CREBBP: variants seen among roughly 807,000 people sequenced by gnomAD.
The protein encoded by CREBBP is CREB-binding protein.
A neutral mutation model predicts 265.0 loss-of-function variants in CREBBP; 19 were observed. The ratio of observed to expected loss-of-function variants is 0.07; its 90% CI spans 0.05 to 0.11. The LOEUF (loss-of-function observed/expected upper bound fraction) is 0.11. Among genes scored for constraint, CREBBP ranks in the 10% least tolerant of loss-of-function variants. CREBBP has a pLI of 1.00. For synonymous variants in CREBBP, 1,457 were observed against 1,223.7 expected, an observed-to-expected ratio of 1.19 and a Z score of -3.98; for missense variants, 2,525 against 3,219.0, an observed-to-expected ratio of 0.78 and a Z score of 5.22.
chr16:3,763,844 CTTTTTTT>C (rs763039340), intron 16 of CREBBP, among the ~76,000 whole-genome samples: 3 of 134,348 alleles, frequency 2.2e-5, no homozygotes, highest in African/African-American at 8.2e-5. Flanking sequence ...AAAAAGCAAT[CTTTTTTT>C]TTTTTTTTTT....
At chr16:3,844,996 A>C (rs1383267984) in intron 2 of CREBBP, among the ~76,000 whole-genome samples, 1 of 152,214 alleles carries the variant, frequency 6.6e-6, no homozygotes, top group Non-Finnish European at 1.5e-5. Context: ...AAAACTGTTA[A>C]AATGTCACAT....
chr16:3,834,417 T>C (rs2054402079), intron 2 of CREBBP, among the ~76,000 whole-genome samples: 1 of 152,278 alleles, frequency 6.6e-6, no homozygotes, highest in South Asian at 2.1e-4. Context: ...CTTAAATACA[T>C]ATTATTAAAT....
At chr16:3,748,528 C>T (rs2052400435) in intron 21 of CREBBP, among the ~76,000 whole-genome samples, 1 of 152,152 alleles carries the variant, frequency 6.6e-6, no homozygotes, top group African/African-American at 2.4e-5. Flanking sequence ...GCTAGGTTTC[C>T]AGAGGTGGCC....
chr16:3,789,592 T>C (rs577079409), intron 5 of CREBBP, among the ~76,000 whole-genome samples: 30 of 152,306 alleles, frequency 2.0e-4, no homozygotes, highest in East Asian at 7.7e-4. Flanking sequence ...CATTTTCCTC[T>C]CTGGGTTCCT....
At chr16:3,844,360 A>T (rs1448948337) in intron 2 of CREBBP, among the ~76,000 whole-genome samples, 1 of 152,202 alleles carries the variant, frequency 6.6e-6, no homozygotes, top group African/African-American at 2.4e-5. Context: ...ATTTGATATT[A>T]TAAAACCTAC....
intron 2 of CREBBP, among the ~76,000 whole-genome samples, chr16:3,814,098 A>T (rs139281057): frequency 8.6e-5 from 13 of 151,788 alleles, no homozygotes; most frequent in Non-Finnish European, 1.5e-4. Flanking sequence ...GGTGAGTATG[A>T]GTGTGTGATC....
intron 9 of CREBBP, 32 bp downstream of exon 9, chr16:3,778,668 T>C (rs1412619764): frequency 2.7e-6 from 4 of 1,498,658 alleles, no homozygotes; most frequent in Admixed American, 3.3e-5. Context: ...ACAGATGCTG[T>C]AGAGGCCAGA....
At chr16:3,739,839 C>T (rs1199413399) in intron 24 of CREBBP, 115 bp from the exon 25 acceptor site, 9 of 1,438,428 alleles carry the variant, frequency 6.3e-6, no homozygotes, top group Middle Eastern at 1.8e-4. Context: ...GGCATGGCCA[C>T]CTCCTCAGAC....
chr16:3,747,076 G>A (rs1382498099), intron 21 of CREBBP, among the ~76,000 whole-genome samples: 1 of 149,502 alleles, frequency 6.7e-6, no homozygotes, highest in East Asian at 2.0e-4. Context: ...CCTTCCCTCA[G>A]TCCCCCAGCA....
At chr16:3,771,255 G>A (rs375597532) in intron 13 of CREBBP, among the ~76,000 whole-genome samples, 21 of 152,132 alleles carry the variant, frequency 1.4e-4, no homozygotes, top group African/African-American at 4.8e-4. Context: ...TTTTAGTAGA[G>A]ATCGGGTTTT....
chr16:3,835,256 C>G lies in CREBBP; in HGVS notation c.798+15041G>C, dbSNP rs190417635. ...AATAGAACAGACTAGAACAAAGGTA[C>G]AGGGATTTTTTTTTTCTATGAAGGG... On this transcript the variant is annotated intron_variant, in intron 2 of 30. Coordinates refer to ENST00000262367, the MANE Select transcript of CREBBP (RefSeq NM_004380.3). Among the ~76,000 whole-genome samples the G allele has an allele frequency of 5.4e-3, 824 of 151,816 alleles. 5 individuals carry two copies. The highest frequency in any genetic ancestry group is 0.012 in the East Asian group (58 of 5,004).
At position 3,869,985 on chromosome 16, in the gene CREBBP, T is replaced by C. The variant is rs181350938; in HGVS notation, c.85+9847A>G. 2.3e-4 allele frequency among the ~76,000 whole-genome samples: 35 copies of C among 152,282 alleles called. 1 individual carries two copies. The East Asian group carries it at 5.2e-3, about 23-fold the overall frequency. Reference sequence around the variant, plus strand: ...AAACAAAAACCGATTCCCACAGTAGTAGAGGAACAACCACAATGACACAGA... The same window carrying C: ...AAACAAAAACCGATTCCCACAGTAGCAGAGGAACAACCACAATGACACAGA... On this transcript the variant is annotated intron_variant, in intron 1 of 30. Coordinates refer to ENST00000262367, the MANE Select transcript of CREBBP (RefSeq NM_004380.3).
intron 16 of CREBBP, among the ~76,000 whole-genome samples, chr16:3,760,420 TGAGACAGAGTC>T (rs2052690003): frequency 9.3e-6 from 1 of 107,236 alleles, no homozygotes; most frequent in Non-Finnish European, 1.9e-5. Flanking sequence ...TTTTTTTTTT[TGAGACAGAGTC>T]TTGCTCTGTC....
chr16:3,783,327 C>G (rs950470224), intron 5 of CREBBP, among the ~76,000 whole-genome samples: 7 of 152,204 alleles, frequency 4.6e-5, no homozygotes, highest in Non-Finnish European at 7.4e-5. Context: ...AACAGAGGAG[C>G]CCCCTCCTGT....
In CREBBP at chr16:3,782,779, A is replaced by C. The variant is rs920337165; in HGVS notation, c.1478T>G (p.Met493Arg). The change falls in exon 6 of 31, where the codon ATG becomes AGG. Residue 493 changes from methionine (M) to arginine (R), a missense_variant. Around this residue, in one of 19 missense-constraint regions of CREBBP, gnomAD observed 144 missense variants for 134.0 expected, o/e 1.07. Coordinates refer to ENST00000262367, the MANE Select transcript of CREBBP (RefSeq NM_004380.3). ...CTGCAGCTGCGTCTGGGGCTGGTTC[A>C]TGTAGGGGAGTCCGAGAGCAGCATA... Reference protein sequence around the residue: ...RAYAALGLPYMNQPQTQLQPQ... With the variant: ...RAYAALGLPYRNQPQTQLQPQ... 1 of 1,614,118 alleles carries C rather than the reference A, an allele frequency of 6.2e-7. No individual in the cohort carries two copies. The highest frequency in any genetic ancestry group is 8.5e-7 in the Non-Finnish European group (1 of 1,180,032).
At chr16:3,798,640 C>A (rs966654515) in intron 3 of CREBBP, among the ~76,000 whole-genome samples, 9 of 152,168 alleles carry the variant, frequency 5.9e-5, no homozygotes, top group Non-Finnish European at 1.0e-4. Context: ...CACTTCACAC[C>A]CACCACATGG....
chr16:3,866,079 G>A (rs1434215879), intron 1 of CREBBP, among the ~76,000 whole-genome samples: 1 of 152,302 alleles, frequency 6.6e-6, no homozygotes, highest in Middle Eastern at 3.4e-3. Flanking sequence ...GATAAAATGT[G>A]AAATGGGTTC....
At position 3,751,742 on chromosome 16, in the gene CREBBP, G is replaced by A. The variant is rs1179176334; in HGVS notation, c.3763C>T (p.Pro1255Ser). The stretch of plus-strand genomic sequence containing the variant: ...GGTACTTACGTCTGGGGCTGTGAAG[G>A]GTCGTCACCCAGGGTCACATTCTCG... The part of the protein sequence containing the change: ...QGENVTLGDD[P>S]SQPQTTISKD... The change falls in exon 20 of 31, where the codon CCT becomes TCT. Residue 1255 changes from proline to serine, a missense_variant. Coordinates refer to ENST00000262367, the MANE Select transcript of CREBBP (RefSeq NM_004380.3). 3 of 1,614,146 alleles carry A rather than the reference G, an allele frequency of 1.9e-6. No homozygotes were observed. The highest frequency in any genetic ancestry group is 2.5e-6 in the Non-Finnish European group (3 of 1,180,006).
chr16:3,811,858 T>C (rs1456280082), intron 2 of CREBBP, among the ~76,000 whole-genome samples: 2 of 152,162 alleles, frequency 1.3e-5, no homozygotes, highest in African/African-American at 2.4e-5. Flanking sequence ...ATACAGTATA[T>C]AACACATAAA....
Sources: allele counts gnomAD v4.1 joint callset (sites outside exome capture counted in the v4.1 genomes callset), GRCh38; gene constraint gnomAD v4.1.1; regional missense constraint gnomAD v4.1.1; transcripts MANE v1.5; gene names NCBI Gene and HGNC (gene_info 2026-07-23, HGNC 2026-07-21).